MYO3A: variants seen among roughly 807,000 people sequenced by gnomAD.
MYO3A encodes myosin IIIA.
A neutral mutation model predicts 192.7 loss-of-function variants in MYO3A; 180 were observed. The ratio of observed to expected loss-of-function variants is 0.93; its 90% CI spans 0.83 to 1.06. The LOEUF is 1.06. Ranked by LOEUF, MYO3A falls within the 50% of genes least tolerant of loss-of-function variation. The pLI, the probability that MYO3A is intolerant of heterozygous loss-of-function variation, is 0.00. For synonymous variants in MYO3A, 628 were observed against 645.3 expected (o/e 0.97, Z 0.41); for missense variants, 1,896 against 1,905.0 (o/e 1.00, Z 0.09).
chr10:26,049,669 CTTTCT>C (rs1843860177), intron 10 of MYO3A, among the ~76,000 whole-genome samples: 1 of 75,390 alleles, frequency 1.3e-5, no homozygotes, highest in African/African-American at 4.2e-5. Flanking sequence ...TTCTTTCTTT[CTTTCT>C]TTTTTTTTTT....
intron 4 of MYO3A, among the ~76,000 whole-genome samples, chr10:25,981,866 A>G (rs1231693421): frequency 2.6e-5 from 4 of 152,194 alleles, no homozygotes; most frequent in African/African-American, 4.8e-5. Context: ...AGAACTACCT[A>G]CCACAGGAAT....
chr10:26,004,358 A>G (rs189685858), intron 6 of MYO3A, among the ~76,000 whole-genome samples: 4 of 152,232 alleles, frequency 2.6e-5, no homozygotes, highest in Admixed American at 2.0e-4. Flanking sequence ...CTGTTACAGA[A>G]AAGAATTATA....
At chr10:26,041,146 C>CT (rs1254886125) in intron 10 of MYO3A, among the ~76,000 whole-genome samples, 1 of 151,958 alleles carries the variant, frequency 6.6e-6, no homozygotes, top group African/African-American at 2.4e-5. Context: ...ACATAGTGAC[C>CT]TTTTTTGTCT....
At chr10:26,043,475 G>A (rs58231370) in intron 10 of MYO3A, among the ~76,000 whole-genome samples, 24,690 of 152,016 alleles carry the variant, frequency 0.16, 2,280 homozygotes, top group Non-Finnish European at 0.21. Flanking sequence ...CAAGAACCTT[G>A]GAAACTTACC....
chr10:26,185,700 G>C (rs192928586), intron 31 of MYO3A, among the ~76,000 whole-genome samples: 1 of 151,332 alleles, frequency 6.6e-6, no homozygotes, highest in Admixed American at 6.6e-5. Flanking sequence ...TTTTCTGTTT[G>C]CTCCCCTCTG....
chr10:26,169,177 A>G (rs990701986), intron 28 of MYO3A, among the ~76,000 whole-genome samples: 1 of 152,216 alleles, frequency 6.6e-6, no homozygotes, highest in Non-Finnish European at 1.5e-5. Context: ...TCATATTATT[A>G]TAGCTCATTG....
At chr10:26,042,642 TTC>T (rs1217409327) in intron 10 of MYO3A, among the ~76,000 whole-genome samples, 2 of 152,208 alleles carry the variant, frequency 1.3e-5, no homozygotes, top group Admixed American at 1.3e-4. Flanking sequence ...ACCCCAGAAT[TTC>T]TGTTTGATTA....
At chr10:26,157,683 G>A (rs1841226007) in intron 26 of MYO3A, among the ~76,000 whole-genome samples, 168 bp downstream of exon 26, 1 of 152,194 alleles carries the variant, frequency 6.6e-6, no homozygotes, top group Admixed American at 6.5e-5. Context: ...AACTGAGGCT[G>A]AAAGACTCTG....
At position 26,145,488 on chromosome 10, in the gene MYO3A, C is replaced by A. The variant is rs1313470955; in HGVS notation, c.2459C>A (p.Pro820His). The change falls in exon 22 of 35, where the codon CCC (proline) becomes CAC (histidine). Residue 820 changes from proline (P) to histidine (H), a missense_variant. Transcript: ENST00000642920. ...CTGAAATCACAATACTTCTGGAGACCCAAAAGAATGGAACTTAGTTTTGGA... is the reference window on the plus strand; with the variant it reads ...CTGAAATCACAATACTTCTGGAGACACAAAAGAATGGAACTTAGTTTTGGA... Reference protein sequence around the residue: ...GNLKSQYFWRPKRMELSFGIH... With the variant: ...GNLKSQYFWRHKRMELSFGIH... 6.2e-7 allele frequency: 1 copy of A among 1,610,314 alleles called. No homozygotes were observed. Among genetic ancestry groups the A allele is most frequent in the East Asian group, 2.2e-5 (1 of 44,800 alleles).
chr10:26,116,971 T>C (rs984116978), intron 17 of MYO3A, among the ~76,000 whole-genome samples: 3 of 152,234 alleles, frequency 2.0e-5, no homozygotes, highest in Non-Finnish European at 4.4e-5. Flanking sequence ...AAGCCATAGA[T>C]CTGGGTCTGT....
chr10:25,992,044 T>C (rs1840067243), intron 4 of MYO3A, among the ~76,000 whole-genome samples: 1 of 152,200 alleles, frequency 6.6e-6, no homozygotes, highest in African/African-American at 2.4e-5. Context: ...TTTCCAATTC[T>C]GTGAAGAAAG....
chr10:26,207,004 A>T (rs1801615253), intron 34 of MYO3A, among the ~76,000 whole-genome samples: 2 of 151,702 alleles, frequency 1.3e-5, no homozygotes, highest in Non-Finnish European at 2.9e-5. Flanking sequence ...TTCTTTTGAG[A>T]AATGTTTATT....
intron 4 of MYO3A, among the ~76,000 whole-genome samples, chr10:25,977,145 G>A (rs913629027): frequency 3.9e-5 from 6 of 152,072 alleles, no homozygotes; most frequent in African/African-American, 1.2e-4. Context: ...TTCATATCTG[G>A]AGGTTCTTTA....
intron 3 of MYO3A, among the ~76,000 whole-genome samples, chr10:25,953,525 C>T (rs1367691462): frequency 6.6e-6 from 1 of 152,042 alleles, no homozygotes; most frequent in Non-Finnish European, 1.5e-5. Flanking sequence ...TAAGTTCTAC[C>T]AAAGTGACTA....
At chr10:26,184,949 G>A (rs1179579397) in intron 31 of MYO3A, among the ~76,000 whole-genome samples, 7 of 152,110 alleles carry the variant, frequency 4.6e-5, no homozygotes, top group African/African-American at 9.7e-5. Flanking sequence ...TCCATTAGAG[G>A]CCAAATAAAT....
chr10:26,011,982 G>A (rs1304161032), intron 6 of MYO3A, among the ~76,000 whole-genome samples: 1 of 152,124 alleles, frequency 6.6e-6, no homozygotes, highest in Non-Finnish European at 1.5e-5. Context: ...CACATAAATA[G>A]AATTAAAACC....
chr10:25,973,718 G>A (rs1838801119), intron 4 of MYO3A, among the ~76,000 whole-genome samples: 1 of 152,050 alleles, frequency 6.6e-6, no homozygotes, highest in Admixed American at 6.5e-5. Flanking sequence ...AACCAAAACA[G>A]CATGGTATGG....
At chr10:26,106,827 A>G (rs1287958987) in intron 17 of MYO3A, among the ~76,000 whole-genome samples, 3 of 152,258 alleles carry the variant, frequency 2.0e-5, no homozygotes, top group Admixed American at 6.5e-5. Context: ...AATAAACCCA[A>G]TAGAGTCCAT....
chr10:26,019,756 T>C (rs1275864735), intron 7 of MYO3A, among the ~76,000 whole-genome samples: 1 of 152,244 alleles, frequency 6.6e-6, no homozygotes, highest in Non-Finnish European at 1.5e-5. Context: ...TAATATTCCA[T>C]TGTATGTATA....
Sources: allele counts gnomAD v4.1 joint callset (sites outside exome capture counted in the v4.1 genomes callset), GRCh38; gene constraint gnomAD v4.1.1; transcripts MANE v1.5; gene names NCBI Gene and HGNC (gene_info 2026-07-23, HGNC 2026-07-21).